The following NEGR1 variants were observed in gnomAD, a reference collection of about 807,000 sequenced individuals.
The protein encoded by NEGR1 is IgLON family member 4.
A neutral mutation model predicts 40.9 loss-of-function variants in NEGR1; 10 were observed. The observed-to-expected ratio is 0.24, with a 90% CI of 0.15 to 0.42. The LOEUF (loss-of-function observed/expected upper bound fraction) is 0.42, where lower values mean the gene tolerates loss of function less well. NEGR1 is among the 10% of genes least tolerant of loss of function. The pLI is 1.00. For synonymous variants in NEGR1, 185 were observed against 166.8 expected, an observed-to-expected ratio of 1.11 and a Z score of -0.84; for missense variants, 352 against 438.9, an observed-to-expected ratio of 0.80 and a Z score of 1.77.
chr1:71,435,823 T>C (rs1304078953), intron 6 of NEGR1, among the ~76,000 whole-genome samples: 1 of 152,212 alleles, frequency 6.6e-6, no homozygotes, highest in Non-Finnish European at 1.5e-5. Context: ...ACCTTGCCCA[T>C]AAGGAACTAC....
intron 2 of NEGR1, among the ~76,000 whole-genome samples, chr1:71,800,498 T>A (rs548724490): frequency 6.6e-6 from 1 of 152,304 alleles, no homozygotes; most frequent in Admixed American, 6.5e-5. Context: ...GTTTATTATT[T>A]GCAAAATTCC....
intron 2 of NEGR1, among the ~76,000 whole-genome samples, chr1:71,850,963 A>G (rs1659580526): frequency 6.6e-6 from 1 of 152,162 alleles, no homozygotes; most frequent in Non-Finnish European, 1.5e-5. Context: ...GGGTAGTCTC[A>G]TGGACCATGT....
intron 2 of NEGR1, among the ~76,000 whole-genome samples, chr1:71,839,410 C>T (rs1418913744): frequency 1.3e-5 from 2 of 151,122 alleles, no homozygotes; most frequent in African/African-American, 4.9e-5. Context: ...GGGGTTTCGC[C>T]ATATTGGCCA....
At chr1:72,102,385 G>T (rs899221006) in intron 1 of NEGR1, among the ~76,000 whole-genome samples, 1 of 151,936 alleles carries the variant, frequency 6.6e-6, no homozygotes, top group Admixed American at 6.6e-5. Flanking sequence ...ATTAAAAAAA[G>T]TGCCAATTTA....
intron 4 of NEGR1, among the ~76,000 whole-genome samples, chr1:71,677,884 G>A (rs1652699151): frequency 6.6e-6 from 1 of 152,056 alleles, no homozygotes; most frequent in South Asian, 2.1e-4. Context: ...ATAAATCAAC[G>A]TTTGCCTTAT....
At chr1:71,819,926 G>A (rs1329257201) in intron 2 of NEGR1, among the ~76,000 whole-genome samples, 2 of 151,976 alleles carry the variant, frequency 1.3e-5, no homozygotes, top group Admixed American at 6.6e-5. Flanking sequence ...CAATGACACG[G>A]CATCAGTAAA....
intron 6 of NEGR1, chr1:71,407,803 T>C: frequency 2.3e-6 from 1 of 442,738 alleles, no homozygotes. Flanking sequence ...AGAATCCACC[T>C]CACAGGGCTG....
intron 6 of NEGR1, among the ~76,000 whole-genome samples, chr1:71,435,170 A>C (rs751153914): frequency 6.6e-6 from 1 of 152,168 alleles, no homozygotes; most frequent in Non-Finnish European, 1.5e-5. Context: ...AAAACGTTGT[A>C]CTTTTTGCAA....
At chr1:71,943,754 G>A (rs986405868) in intron 1 of NEGR1, among the ~76,000 whole-genome samples, 1 of 151,994 alleles carries the variant, frequency 6.6e-6, no homozygotes, top group South Asian at 2.1e-4. Flanking sequence ...CTCTTATCCC[G>A]ATAATAAATT....
chr1:72,217,347 T>C (rs561644128), intron 1 of NEGR1, among the ~76,000 whole-genome samples: 1 of 152,032 alleles, frequency 6.6e-6, no homozygotes, highest in South Asian at 2.1e-4. Flanking sequence ...CAAAAATAGT[T>C]GTAGTCTTTT....
At chr1:72,024,303 T>C (rs1646788019) in intron 1 of NEGR1, among the ~76,000 whole-genome samples, 2 of 152,054 alleles carry the variant, frequency 1.3e-5, no homozygotes, top group Non-Finnish European at 2.9e-5. Flanking sequence ...TATGTTTTCA[T>C]GGTTTTTTTT....
At chr1:72,193,658 A>AT (rs34453829) in intron 1 of NEGR1, among the ~76,000 whole-genome samples, 72,417 of 150,698 alleles carry the variant, frequency 0.48, 18,108 homozygotes, top group African/African-American at 0.59. Flanking sequence ...AAATATATAT[A>AT]TTTTTCATAT....
At chr1:72,030,795 G>T (rs1011164655) in intron 1 of NEGR1, among the ~76,000 whole-genome samples, 7 of 151,992 alleles carry the variant, frequency 4.6e-5, no homozygotes, top group Non-Finnish European at 7.4e-5. Context: ...AAAGATGACA[G>T]AAATATTTGA....
chr1:71,520,519 T>C (rs1030050552), intron 6 of NEGR1, among the ~76,000 whole-genome samples: 2 of 152,126 alleles, frequency 1.3e-5, no homozygotes, highest in Admixed American at 6.5e-5. Context: ...TGGCAGGTTA[T>C]GGACTAATAT....
intron 2 of NEGR1, among the ~76,000 whole-genome samples, chr1:71,923,859 T>C (rs1361421894): frequency 6.6e-6 from 1 of 152,180 alleles, no homozygotes; most frequent in Non-Finnish European, 1.5e-5. Flanking sequence ...TAAGGTCCCA[T>C]GTGATTTCAC....
chr1:72,226,719 T>C (rs966523254), intron 1 of NEGR1, among the ~76,000 whole-genome samples: 1 of 152,032 alleles, frequency 6.6e-6, no homozygotes, highest in African/African-American at 2.4e-5. Context: ...GGTATTCCCA[T>C]CCATAATGCT....
intron 2 of NEGR1, among the ~76,000 whole-genome samples, chr1:71,806,981 C>A (rs1657800371): frequency 6.6e-6 from 1 of 151,380 alleles, no homozygotes; most frequent in African/African-American, 2.4e-5. Context: ...CAAGCTCCAC[C>A]TTCCGGGTTC....
intron 4 of NEGR1, among the ~76,000 whole-genome samples, chr1:71,655,677 C>G (rs954301): frequency 0.48 from 72,563 of 151,850 alleles, 17,425 homozygotes; most frequent in Middle Eastern, 0.54. Flanking sequence ...GGTTGCAGGG[C>G]AATAGATAGA....
At chr1:71,772,544 G>GTAC (rs780709843) in intron 3 of NEGR1, among the ~76,000 whole-genome samples, 5 of 152,114 alleles carry the variant, frequency 3.3e-5, no homozygotes, top group Non-Finnish European at 5.9e-5. Flanking sequence ...ATTGGATTCT[G>GTAC]TACTAGACAA....
Sources: allele counts gnomAD v4.1 joint callset (sites outside exome capture counted in the v4.1 genomes callset), GRCh38; gene constraint gnomAD v4.1.1; transcripts MANE v1.5; gene names NCBI Gene and HGNC (gene_info 2026-07-23, HGNC 2026-07-21).